The following SHTN1 variants were observed in gnomAD, a reference collection of about 807,000 sequenced individuals.
The protein encoded by SHTN1 is shootin 1.
Under a neutral mutation model 83.1 loss-of-function variants are expected in SHTN1, and 42 were observed. The ratio of observed to expected loss-of-function variants is 0.51; its 90% CI spans 0.39 to 0.65. The LOEUF is 0.65. Ranked by LOEUF, SHTN1 falls within the 30% of genes least tolerant of loss-of-function variation. The pLI is 0.00. For missense variants in SHTN1, 622 were observed against 737.8 expected (o/e 0.84, Z 1.82); for synonymous variants, 224 against 247.7 (o/e 0.90, Z 0.90).
chr10:116,999,075 T>C (rs893910591), intron 1 of SHTN1, among the ~76,000 whole-genome samples: 1 of 152,080 alleles, frequency 6.6e-6, no homozygotes, highest in African/African-American at 2.4e-5. Flanking sequence ...GGTATCCTCC[T>C]ACCTTGGCCT....
intron 16 of SHTN1, chr10:116,900,613 G>C: frequency 6.5e-7 from 1 of 1,526,886 alleles, no homozygotes; most frequent in South Asian, 1.2e-5. Context: ...ACTTGTCTCA[G>C]CCAAATTGCT....
chr10:116,899,506 GGTGTGT>G (rs370396879), intron 16 of SHTN1, among the ~76,000 whole-genome samples: 44 of 124,578 alleles, frequency 3.5e-4, no homozygotes, highest in South Asian at 1.1e-3. Context: ...GGCTGGGGCT[GGTGTGT>G]GTGTGTGTGT....
At chr10:116,899,546 T>A (rs796649962) in intron 16 of SHTN1, among the ~76,000 whole-genome samples, 251 of 123,874 alleles carry the variant, frequency 2.0e-3, no homozygotes, top group African/African-American at 6.1e-3. Context: ...TGTGTGTGTG[T>A]GAGAGAGTGC....
chr10:116,996,377 A>G (rs1190422209), intron 1 of SHTN1, among the ~76,000 whole-genome samples: 2 of 152,146 alleles, frequency 1.3e-5, no homozygotes, highest in African/African-American at 2.4e-5. Flanking sequence ...CTGAAATTAA[A>G]ATTGGGCTTT....
At chr10:117,078,109 A>G (rs553558846) in intron 1 of SHTN1, among the ~76,000 whole-genome samples, 2 of 152,356 alleles carry the variant, frequency 1.3e-5, no homozygotes, top group African/African-American at 4.8e-5. Flanking sequence ...GTGCCAAATC[A>G]TTATGCCCAG....
In SHTN1 at chr10:117,005,125, G is replaced by A. The variant is rs1455936560; in HGVS notation, c.-46C>T. On this transcript the variant is annotated 5_prime_UTR_variant, in exon 1 of 17. Coordinates refer to ENST00000355371, the MANE Select transcript of SHTN1 (RefSeq NM_001127211.3). ...ATAAAAGGGAAAGAGGGAGCGGCGCGGGGCACACAGGAGGAGGGGGAAGAA... is the reference window on the plus strand; with the variant it reads ...ATAAAAGGGAAAGAGGGAGCGGCGCAGGGCACACAGGAGGAGGGGGAAGAA... 13 of 1,565,456 alleles carry A rather than the reference G, an allele frequency of 8.3e-6. No homozygotes were observed. Among genetic ancestry groups the A allele is most frequent in the Middle Eastern group, 3.4e-4 (2 of 5,928 alleles).
At chr10:117,083,131 C>T (rs1449629241) in intron 1 of SHTN1, among the ~76,000 whole-genome samples, 2 of 150,870 alleles carry the variant, frequency 1.3e-5, no homozygotes, top group Non-Finnish European at 3.0e-5. Flanking sequence ...TTCCTAATCT[C>T]GATGGTCTTT....
chr10:116,935,671 T>G (rs966153150), intron 9 of SHTN1, among the ~76,000 whole-genome samples: 1 of 152,238 alleles, frequency 6.6e-6, no homozygotes, highest in African/African-American at 2.4e-5. Flanking sequence ...AGGATGATGC[T>G]GGCCTCATAA....
intron 3 of SHTN1, among the ~76,000 whole-genome samples, chr10:116,964,556 A>C (rs552605282): frequency 3.3e-5 from 5 of 152,364 alleles, no homozygotes; most frequent in African/African-American, 1.2e-4. Flanking sequence ...AACATATCAC[A>C]AATTCTTCTT....
At chr10:116,962,652 T>A (rs1438022214) in intron 3 of SHTN1, among the ~76,000 whole-genome samples, 1 of 152,110 alleles carries the variant, frequency 6.6e-6, no homozygotes, top group Non-Finnish European at 1.5e-5. Flanking sequence ...AAAAAAACAT[T>A]TATTTTCTGA....
chr10:116,915,522 C>T, intron 12 of SHTN1, 38 bp from the exon 13 acceptor site: 1 of 1,144,504 alleles, frequency 8.7e-7, no homozygotes, highest in East Asian at 2.4e-5. Context: ...TCTTATGTTA[C>T]AAGAAAACAG....
In SHTN1 at chr10:116,886,302, T is replaced by C; in HGVS notation, c.*42A>G. 3 of 1,551,390 alleles carry C rather than the reference T, an allele frequency of 1.9e-6. No individual in the cohort carries two copies. Among genetic ancestry groups the C allele is most frequent in the South Asian group, 1.2e-5 (1 of 84,022 alleles). ...TATAACAACACTAATCATGTGCTTA[T>C]TGAAAAGGACTTCCAAACATGTCAG... On this transcript the variant is annotated 3_prime_UTR_variant, in exon 17 of 17. Transcript: ENST00000355371.
chr10:116,924,703 G>A (rs1848678027), intron 11 of SHTN1, among the ~76,000 whole-genome samples: 1 of 146,818 alleles, frequency 6.8e-6, no homozygotes, highest in African/African-American at 2.5e-5. Context: ...TTTCAGGCAT[G>A]TGTCATCCCA....
chr10:116,973,997 A>G, intron 2 of SHTN1: 5 of 1,150,292 alleles, frequency 4.3e-6, no homozygotes, highest in Non-Finnish European at 5.5e-6. Flanking sequence ...AAAGAATACA[A>G]CACATTAAAT....
chr10:117,100,466 T>C (rs1853574069), intron 1 of SHTN1, among the ~76,000 whole-genome samples: 1 of 152,226 alleles, frequency 6.6e-6, no homozygotes, highest in Non-Finnish European at 1.5e-5. Context: ...GTATGTTTTC[T>C]TGCCATTCCT....
intron 3 of SHTN1, among the ~76,000 whole-genome samples, chr10:116,965,235 G>A (rs1850346227): frequency 6.6e-6 from 1 of 152,220 alleles, no homozygotes; most frequent in South Asian, 2.1e-4. Context: ...CGTAGGCCTA[G>A]GCCGGGTGTG....
At chr10:116,908,394 T>C (rs74161335) in intron 14 of SHTN1, among the ~76,000 whole-genome samples, 9,178 of 152,206 alleles carry the variant, frequency 0.06, 886 homozygotes, top group African/African-American at 0.2. Flanking sequence ...TATGCTTCTA[T>C]GTGTAGAAGA....
intron 1 of SHTN1, among the ~76,000 whole-genome samples, chr10:117,075,571 G>C (rs1216350659): frequency 6.6e-6 from 1 of 152,300 alleles, no homozygotes; most frequent in East Asian, 1.9e-4. Context: ...TATCCACATA[G>C]TGTGATATGC....
At chr10:117,030,758 G>A (rs901533165) in intron 2 of SHTN1, among the ~76,000 whole-genome samples, 60 of 151,876 alleles carry the variant, frequency 4.0e-4, no homozygotes, top group African/African-American at 1.4e-3. Flanking sequence ...TGATCAAGCA[G>A]AAGAAAGAAT....
Sources: allele counts gnomAD v4.1 joint callset (sites outside exome capture counted in the v4.1 genomes callset), GRCh38; gene constraint gnomAD v4.1.1; transcripts MANE v1.5; gene names NCBI Gene and HGNC (gene_info 2026-07-23, HGNC 2026-07-21).